Variants in CFDP1 observed in about 807,000 individuals in gnomAD.
The protein encoded by CFDP1 is heterochromatin-stabilizing protein CFDP1.
Under a neutral mutation model 40.1 loss-of-function variants are expected in CFDP1, and 31 were observed. The observed-to-expected ratio is 0.77, with a 90% CI of 0.58 to 1.04. CFDP1 has a LOEUF of 1.04. Ranked by LOEUF, CFDP1 falls within the 50% of genes least tolerant of loss-of-function variation. CFDP1 has a pLI of 0.00. For missense variants in CFDP1, 423 were observed against 343.4 expected, an observed-to-expected ratio of 1.23 and a Z score of -1.83; for synonymous variants, 167 against 120.0, an observed-to-expected ratio of 1.39 and a Z score of -2.56.
At chr16:75,403,982 C>G (rs1424953805) in intron 4 of CFDP1, among the ~76,000 whole-genome samples, 1 of 151,554 alleles carries the variant, frequency 6.6e-6, no homozygotes, top group Non-Finnish European at 1.5e-5. Context: ...AAATAAAAAA[C>G]TTGGCCGGGT....
chr16:75,420,643 T>C (rs141554745), intron 1 of CFDP1, among the ~76,000 whole-genome samples: 1 of 152,334 alleles, frequency 6.6e-6, no homozygotes, highest in African/African-American at 2.4e-5. Flanking sequence ...AATTTGAGTA[T>C]GATCTATATA....
chr16:75,344,112 A>G (rs537098224), intron 5 of CFDP1, among the ~76,000 whole-genome samples: 10 of 152,296 alleles, frequency 6.6e-5, no homozygotes, highest in African/African-American at 2.4e-4. Flanking sequence ...TTAAAACCCA[A>G]CCGATGAATT....
At position 75,433,276 on chromosome 16, in the gene CFDP1, C is replaced by T. The variant is rs753608526; in HGVS notation, c.64+13G>A. ...GGGGCAATTCGCTTCTCGCCTCAGGCGGAATCGCTCACCCGACGGCACGTA... is the reference window on the plus strand; with the variant it reads ...GGGGCAATTCGCTTCTCGCCTCAGGTGGAATCGCTCACCCGACGGCACGTA... On this transcript the variant is annotated intron_variant, in intron 1 of 6. Coordinates refer to ENST00000283882, the MANE Select transcript of CFDP1 (RefSeq NM_006324.3). 2.5e-6 allele frequency: 4 copies of T among 1,592,834 alleles called. No individual in the cohort carries two copies. The highest frequency in any genetic ancestry group is 3.4e-6 in the Non-Finnish European group (4 of 1,171,892).
chr16:75,432,174 T>C (rs1203049494), intron 1 of CFDP1, among the ~76,000 whole-genome samples: 1 of 150,400 alleles, frequency 6.6e-6, no homozygotes, highest in African/African-American at 2.4e-5. Context: ...CCTCCCAAAG[T>C]GTTGGGATTA....
chr16:75,345,481 A>C (rs78897234), intron 5 of CFDP1, among the ~76,000 whole-genome samples: 2,348 of 152,124 alleles, frequency 0.015, 58 homozygotes, highest in African/African-American at 0.053. Context: ...ACAAAAAAAA[A>C]CAAAACATTA....
At chr16:75,409,551 ATTGAAAATTTT>A (rs1455193981) in intron 4 of CFDP1, 1 of 152,214 alleles carries the variant, frequency 6.6e-6, no homozygotes, top group Non-Finnish European at 1.5e-5. Context: ...TCTGCTATAG[ATTGAAAATTTT>A]AAGTTGGGGT....
chr16:75,386,740 C>G (rs2078901320), intron 5 of CFDP1, among the ~76,000 whole-genome samples: 1 of 151,976 alleles, frequency 6.6e-6, no homozygotes, highest in South Asian at 2.1e-4. Context: ...AAAAGAGAAA[C>G]CTTCTCTCTG....
chr16:75,328,916 G>A (rs983373816), intron 5 of CFDP1, among the ~76,000 whole-genome samples: 6 of 149,974 alleles, frequency 4.0e-5, no homozygotes, highest in African/African-American at 9.9e-5. Flanking sequence ...GCACAACCTT[G>A]GCTCACTGGA....
intron 1 of CFDP1, among the ~76,000 whole-genome samples, chr16:75,417,345 CTGAAAATGCTATGGTCCATCTAAATAA>C (rs1396797545): frequency 6.6e-6 from 1 of 152,022 alleles, no homozygotes; most frequent in Non-Finnish European, 1.5e-5. Context: ...AAGTGACTGG[CTGAAAATGCTATGGTCCATCTAAATAA>C]TGGAATACCA....
intron 5 of CFDP1, among the ~76,000 whole-genome samples, chr16:75,339,572 A>C (rs533090561): frequency 2.0e-5 from 3 of 152,226 alleles, no homozygotes; most frequent in Admixed American, 6.5e-5. Flanking sequence ...CACCACTGCC[A>C]ATCTCCATCG....
At chr16:75,341,368 T>G (rs1458352777) in intron 5 of CFDP1, among the ~76,000 whole-genome samples, 1 of 152,226 alleles carries the variant, frequency 6.6e-6, no homozygotes, top group Non-Finnish European at 1.5e-5. Flanking sequence ...AATAACCCTA[T>G]GGCAACCTAA....
At chr16:75,420,290 A>G (rs1443012683) in intron 1 of CFDP1, among the ~76,000 whole-genome samples, 2 of 152,200 alleles carry the variant, frequency 1.3e-5, no homozygotes, top group Admixed American at 1.3e-4. Flanking sequence ...TATCAACCAG[A>G]TATTGTGTCT....
At chr16:75,349,690 A>AATAT in intron 5 of CFDP1, among the ~76,000 whole-genome samples, 204 of 13,076 alleles carry the variant, frequency 0.016, 54 homozygotes, top group East Asian at 0.05. Flanking sequence ...AAAAAAAAAA[A>AATAT]ATATATATAC....
chr16:75,340,564 G>C (rs2151520133), intron 5 of CFDP1, among the ~76,000 whole-genome samples: 1 of 152,188 alleles, frequency 6.6e-6, no homozygotes, highest in East Asian at 1.9e-4. Flanking sequence ...CATTGCCTTT[G>C]GGGTAAACAG....
At chr16:75,329,426 G>C (rs991689670) in intron 5 of CFDP1, among the ~76,000 whole-genome samples, 2 of 152,164 alleles carry the variant, frequency 1.3e-5, no homozygotes, top group African/African-American at 4.8e-5. Context: ...ATGCATCCGT[G>C]TGACTTTGAT....
rs1597395573 is a variant in CFDP1 at position 75,412,894 on chromosome 16, A to G, written c.183-140T>C. ...TACTGGTTAATATACTGAAGTGAGTAGAAGAGTTAAGCTGAAATTTTATAG... is the reference window on the plus strand; with the variant it reads ...TACTGGTTAATATACTGAAGTGAGTGGAAGAGTTAAGCTGAAATTTTATAG... On this transcript the variant is annotated intron_variant, in intron 2 of 6. Transcript: ENST00000283882. 6.9e-6 allele frequency: 4 copies of G among 580,216 alleles called. No individual in the cohort carries two copies. The East Asian group carries it at 8.5e-5, about 12-fold the overall frequency. The allele number at this position is 580,216 out of a possible 1,614,324, so 35.9% of individuals were successfully genotyped here. A position where few individuals can be genotyped will look rare whatever the true frequency, so the allele number is the denominator to read the frequency against.
chr16:75,416,720 C>A (rs1047246609), intron 1 of CFDP1, among the ~76,000 whole-genome samples: 4 of 152,098 alleles, frequency 2.6e-5, no homozygotes, highest in Non-Finnish European at 5.9e-5. Flanking sequence ...TGCACTCCAG[C>A]CTGGGTAACA....
intron 5 of CFDP1, among the ~76,000 whole-genome samples, chr16:75,380,737 G>A (rs1287190369): frequency 6.6e-6 from 1 of 152,074 alleles, no homozygotes; most frequent in Non-Finnish European, 1.5e-5. Context: ...AATGTTCCAG[G>A]CACTCCAAAC....
In CFDP1 at chr16:75,333,087, C is replaced by T. The variant is rs373943939; in HGVS notation, c.651-27905G>A. Among the ~76,000 whole-genome samples the T allele has an allele frequency of 8.3e-4, 122 of 147,122 alleles. 4 individuals carry two copies. The East Asian group carries it at 0.022, about 26-fold the overall frequency. On this transcript the variant is annotated intron_variant, in intron 5 of 6. Coordinates refer to ENST00000283882, the MANE Select transcript of CFDP1 (RefSeq NM_006324.3). ...CCTCCCAAAGTGCTGGGATTACAGGCGTGAGCCACTGCGCCCAGCCAGCCT... is the reference window on the plus strand; with the variant it reads ...CCTCCCAAAGTGCTGGGATTACAGGTGTGAGCCACTGCGCCCAGCCAGCCT...
Sources: gnomAD v4.1 joint callset for allele counts (sites outside exome capture counted in the v4.1 genomes callset) on GRCh38, gnomAD v4.1.1 for gene constraint, MANE v1.5 for transcripts, NCBI Gene and HGNC (gene_info 2026-07-23, HGNC 2026-07-21) for gene names.